Variants in AGMO observed in about 807,000 individuals in gnomAD.
AGMO encodes glyceryl-ether monooxygenase.
A neutral mutation model predicts 60.2 loss-of-function variants in AGMO; 75 were observed. That is an observed-to-expected ratio of 1.25 (90% CI 1.03 to 1.51). The LOEUF is 1.51. Ranked by LOEUF, AGMO falls within the 40% of genes most tolerant of loss-of-function variation. The pLI is 0.00. For missense variants in AGMO, 763 were observed against 525.5 expected (o/e 1.45, Z -4.42); for synonymous variants, 261 against 177.1 (o/e 1.47, Z -3.76).
At chr7:15,206,818 A>G (rs1781451587) in intron 12 of AGMO, among the ~76,000 whole-genome samples, 1 of 152,152 alleles carries the variant, frequency 6.6e-6, no homozygotes, top group Non-Finnish European at 1.5e-5. Context: ...ATACACATTA[A>G]AACAGAGTTT....
At chr7:15,309,865 T>A (rs574094033) in intron 12 of AGMO, among the ~76,000 whole-genome samples, 77 of 152,306 alleles carry the variant, frequency 5.1e-4, no homozygotes, top group African/African-American at 1.8e-3. Context: ...TGTTATCTAT[T>A]GGAAAGTATA....
intron 3 of AGMO, among the ~76,000 whole-genome samples, chr7:15,496,664 TG>T (rs1476511876): frequency 6.6e-6 from 1 of 152,102 alleles, no homozygotes; most frequent in African/African-American, 2.4e-5. Context: ...ATCTAGCGAG[TG>T]GGTGGTTATG....
intron 3 of AGMO, among the ~76,000 whole-genome samples, chr7:15,465,957 AT>A (rs1247526234): frequency 6.6e-6 from 1 of 152,132 alleles, no homozygotes; most frequent in Non-Finnish European, 1.5e-5. Context: ...ACTAAAATTT[AT>A]TTTCTCATTC....
At chr7:15,239,957 T>A (rs1422742592) in intron 12 of AGMO, among the ~76,000 whole-genome samples, 10 of 152,162 alleles carry the variant, frequency 6.6e-5, no homozygotes, top group Admixed American at 6.5e-4. Context: ...ATTAGCATTT[T>A]CCCTTGCAAA....
rs546851399 is a variant in AGMO at position 15,327,740 on chromosome 7, C to CT, written c.1263+37773dup. On this transcript the variant is annotated intron_variant, in intron 12 of 12. Transcript: ENST00000342526. ...GAAAAAATGATAAACTGATTTCTTT[C>CT]TTTTTTTTTTTTTTTTTTTTTTTTT... is the stretch of plus-strand genomic sequence containing the variant. Among the ~76,000 whole-genome samples the CT allele has an allele frequency of 1.9e-3, 167 of 87,996 alleles. 1 individual carries two copies. Among genetic ancestry groups the CT allele is most frequent in the South Asian group, 3.7e-3 (9 of 2,420 alleles). The allele number at this position is 87,996 out of a possible 152,430, so 57.7% of individuals were successfully genotyped here.
chr7:15,438,974 G>A (rs1308109748), intron 3 of AGMO, among the ~76,000 whole-genome samples: 2 of 152,096 alleles, frequency 1.3e-5, no homozygotes, highest in Non-Finnish European at 1.5e-5. Context: ...TGTTCTATAG[G>A]GAAAGCACTT....
At chr7:15,198,257 C>CAGAGAGAGAGAGAGAGAG (rs1229360945), downstream of AGMO, among the ~76,000 whole-genome samples, 9 of 56,588 alleles carry the variant, frequency 1.6e-4, no homozygotes, top group African/African-American at 7.8e-4. Flanking sequence ...GAGAGAGAGA[C>CAGAGAGAGAGAGAGAGAG]AGAGACAGAG....
intron 12 of AGMO, among the ~76,000 whole-genome samples, chr7:15,259,346 C>A (rs1371099632): frequency 6.6e-6 from 1 of 151,680 alleles, no homozygotes; most frequent in Non-Finnish European, 1.5e-5. Context: ...TTAACCCAAT[C>A]CATCAAAGAC....
intron 12 of AGMO, among the ~76,000 whole-genome samples, chr7:15,323,124 T>C (rs1488185255): frequency 2.0e-5 from 3 of 151,894 alleles, no homozygotes; most frequent in South Asian, 2.1e-4. Context: ...AGTGCAATCC[T>C]TGGAGTAATA....
chr7:15,257,126 T>TA (rs1002271820), intron 12 of AGMO, among the ~76,000 whole-genome samples: 2 of 152,104 alleles, frequency 1.3e-5, no homozygotes, highest in African/African-American at 4.8e-5. Context: ...AATTTTACTT[T>TA]AAAAAAAGTT....
intron 12 of AGMO, among the ~76,000 whole-genome samples, chr7:15,354,457 CACACGT>C (rs1341406599): frequency 1.4e-3 from 24 of 17,576 alleles, no homozygotes; most frequent in South Asian, 3.3e-3. Flanking sequence ...TGTGTGTATA[CACACGT>C]GTGTGTATAC....
chr7:15,207,564 T>A lies in AGMO; in HGVS notation c.1264-6205A>T, dbSNP rs1781470832. Among the ~76,000 whole-genome samples the A allele has an allele frequency of 2.0e-5, 3 of 152,204 alleles. No homozygotes were observed. The South Asian group carries it at 6.2e-4, about 32-fold the overall frequency. On this transcript the variant is annotated intron_variant, in intron 12 of 12. Transcript: ENST00000342526. ...ATACTCTTGATGTTCTGACCTAACT[T>A]CTCAATTTTTACCAGCTTAGATTGT... is the stretch of plus-strand genomic sequence containing the variant.
chr7:15,323,576 G>C (rs917041878), intron 12 of AGMO, among the ~76,000 whole-genome samples: 4 of 152,068 alleles, frequency 2.6e-5, no homozygotes, highest in Non-Finnish European at 4.4e-5. Context: ...TATCTAGGTA[G>C]GTCACTAAAA....
At chr7:15,548,235 T>A (rs1425833541) in intron 2 of AGMO, among the ~76,000 whole-genome samples, 2 of 151,900 alleles carry the variant, frequency 1.3e-5, no homozygotes, top group Non-Finnish European at 2.9e-5. Flanking sequence ...ACAGAAAAAC[T>A]GGAAACTCTA....
At chr7:15,271,397 G>A (rs1783606808) in intron 12 of AGMO, among the ~76,000 whole-genome samples, 3 of 152,182 alleles carry the variant, frequency 2.0e-5, no homozygotes, top group South Asian at 4.2e-4. Flanking sequence ...TTGGTTAAAT[G>A]TATTCCTAGG....
chr7:15,365,456 T>G, intron 12 of AGMO, 58 bp downstream of exon 12: 2 of 994,286 alleles, frequency 2.0e-6, no homozygotes, highest in Non-Finnish European at 2.9e-6. Flanking sequence ...CTTGAATGAA[T>G]AAATTAAATG....
intron 4 of AGMO, among the ~76,000 whole-genome samples, chr7:15,425,476 C>T (rs1781034414): frequency 6.6e-6 from 1 of 150,582 alleles, no homozygotes; most frequent in Non-Finnish European, 1.5e-5. Context: ...GCTCTGTCAC[C>T]CAGGCTGGAG....
intron 12 of AGMO, among the ~76,000 whole-genome samples, chr7:15,262,476 A>C (rs372561282): frequency 3.9e-5 from 6 of 152,184 alleles, no homozygotes; most frequent in Middle Eastern, 6.8e-3. Flanking sequence ...AATAAATCAT[A>C]AATAACACAA....
chr7:15,515,218 G>A (rs555119504), intron 3 of AGMO, among the ~76,000 whole-genome samples: 1 of 152,236 alleles, frequency 6.6e-6, no homozygotes, highest in African/African-American at 2.4e-5. Flanking sequence ...TTTTACTCTG[G>A]GAAAACTCTC....
Sources: allele counts gnomAD v4.1 joint callset (sites outside exome capture counted in the v4.1 genomes callset), GRCh38; gene constraint gnomAD v4.1.1; transcripts MANE v1.5; gene names NCBI Gene and HGNC (gene_info 2026-07-23, HGNC 2026-07-21).